MRTFA: variants seen among roughly 807,000 people sequenced by gnomAD.
The protein encoded by MRTFA is myocardin related transcription factor A.
A neutral mutation model predicts 83.5 loss-of-function variants in MRTFA; 20 were observed. The observed-to-expected ratio is 0.24, with a 90% CI of 0.17 to 0.35. The LOEUF is 0.35. Among genes scored for constraint, MRTFA ranks in the 10% least tolerant of loss-of-function variants. The pLI is 1.00. For missense variants in MRTFA, 1,200 were observed against 1,224.7 expected, an observed-to-expected ratio of 0.98 and a Z score of 0.30; for synonymous variants, 659 against 541.2, an observed-to-expected ratio of 1.22 and a Z score of -3.02.
chr22:40,517,599 T>G (rs1281915671), intron 3 of MRTFA, among the ~76,000 whole-genome samples: 1 of 152,206 alleles, frequency 6.6e-6, no homozygotes, highest in Non-Finnish European at 1.5e-5. Flanking sequence ...GTACACGGTC[T>G]GCCACACTGC....
intron 1 of MRTFA, among the ~76,000 whole-genome samples, chr22:40,618,021 A>C (rs970894885): frequency 1.3e-4 from 20 of 151,908 alleles, no homozygotes; most frequent in African/African-American, 4.8e-4. Context: ...TCTGGAGAAA[A>C]GTGAAGCAGG....
intron 3 of MRTFA, among the ~76,000 whole-genome samples, chr22:40,471,847 G>C (rs1011806809): frequency 1.3e-5 from 2 of 152,084 alleles, no homozygotes; most frequent in African/African-American, 4.8e-5. Flanking sequence ...ACTCCAACCT[G>C]GGTGCCAGAG....
chr22:40,494,589 G>T (rs1388292457), intron 3 of MRTFA, among the ~76,000 whole-genome samples: 1 of 151,806 alleles, frequency 6.6e-6, no homozygotes, highest in African/African-American at 2.4e-5. Flanking sequence ...GCTAAGGTAG[G>T]AGCATCACTC....
chr22:40,419,549 GCATCCT>G (rs987503889), intron 11 of MRTFA, among the ~76,000 whole-genome samples, 165 bp from the exon 12 acceptor site: 1 of 152,156 alleles, frequency 6.6e-6, no homozygotes, highest in Non-Finnish European at 1.5e-5. Context: ...TGAGCCAACA[GCATCCT>G]CTCTTTCATT....
rs572949298 is a variant in MRTFA at position 40,411,022 on chromosome 22, C to G, written c.*368G>C. On this transcript the variant is annotated 3_prime_UTR_variant, in exon 15 of 15. Coordinates refer to ENST00000355630, the MANE Select transcript of MRTFA (RefSeq NM_020831.6). Reference sequence around the variant, plus strand: ...GATTCACCCCTTAACCTGTCTCAGCCCTGGGTCAGAAGAGAAGCCTCCCGC... The same window carrying G: ...GATTCACCCCTTAACCTGTCTCAGCGCTGGGTCAGAAGAGAAGCCTCCCGC... The G allele has an allele frequency of 1.9e-4, 47 of 252,026 alleles. No homozygotes were observed. The highest frequency in any genetic ancestry group is 8.9e-4 in the African/African-American group (41 of 46,108). The allele number at this position is 252,026 out of a possible 1,614,324, so 15.6% of individuals were successfully genotyped here.
rs780048257 is a variant in MRTFA, at chr22:40,463,223, G to A, written c.305C>T (p.Pro102Leu). 3.1e-6 allele frequency: 5 copies of A among 1,613,620 alleles called. No homozygotes were observed. Among genetic ancestry groups the A allele is most frequent in the Non-Finnish European group, 4.2e-6 (5 of 1,179,738 alleles). Residue 102 changes from proline to leucine, a missense_variant and splice_region_variant, in exon 4 of 15, where the codon CCG (proline) becomes CTG (leucine). Around this residue, in one of 2 missense-constraint regions of MRTFA, gnomAD observed 93 missense variants for 182.9 expected, o/e 0.51. Transcript: ENST00000355630. ...TGCTGAGAGAGAGAGGCACTTACGC[G>A]GCATGATCCCTTGGCTCACCAGTTC...
chr22:40,429,457 C>G (rs780174291), intron 7 of MRTFA, 149 bp downstream of exon 7: 1 of 910,432 alleles, frequency 1.1e-6, no homozygotes, highest in Non-Finnish European at 1.8e-6. Context: ...ATGAGGCTCT[C>G]AAACTCTGTG....
At chr22:40,481,129 A>G (rs2054084155) in intron 3 of MRTFA, among the ~76,000 whole-genome samples, 1 of 152,002 alleles carries the variant, frequency 6.6e-6, no homozygotes, top group African/African-American at 2.4e-5. Context: ...ACAAATACTA[A>G]ATAAAGGTCA....
intron 1 of MRTFA, among the ~76,000 whole-genome samples, chr22:40,599,914 A>G (rs1602481112): frequency 6.6e-6 from 1 of 151,990 alleles, no homozygotes; most frequent in South Asian, 2.1e-4. Flanking sequence ...AAAAAAAAAA[A>G]AAGAAGTGAA....
chr22:40,624,784 T>C (rs190366344), intron 1 of MRTFA, among the ~76,000 whole-genome samples: 1 of 152,330 alleles, frequency 6.6e-6, no homozygotes, highest in Admixed American at 6.5e-5. Context: ...ATGTTGAAAA[T>C]AAAATGTCAT....
intron 3 of MRTFA, among the ~76,000 whole-genome samples, chr22:40,550,317 A>C (rs1413175134): frequency 1.3e-5 from 2 of 152,142 alleles, no homozygotes; most frequent in Non-Finnish European, 2.9e-5. Flanking sequence ...TTAAAAGGGT[A>C]ATAGCCAAGA....
intron 3 of MRTFA, among the ~76,000 whole-genome samples, chr22:40,529,276 A>G (rs1254934145): frequency 6.6e-6 from 1 of 152,244 alleles, no homozygotes; most frequent in Non-Finnish European, 1.5e-5. Context: ...TTAAGTACAC[A>G]GGTATCAAGG....
chr22:40,410,632 A>ACATGT lies in MRTFA; in HGVS notation c.*753_*757dup, dbSNP rs769792395. ...GGGCATAGGCCGTGGCAGGGTACCT[A>ACATGT]CATGTCAATCACACGTGATGGGTGG... On this transcript the variant is annotated 3_prime_UTR_variant, in exon 15 of 15. Coordinates refer to ENST00000355630, the MANE Select transcript of MRTFA (RefSeq NM_020831.6). 2 of 233,152 alleles carry ACATGT rather than the reference A, an allele frequency of 8.6e-6. No individual in the cohort carries two copies. Among genetic ancestry groups the ACATGT allele is most frequent in the Non-Finnish European group, 1.7e-5 (2 of 117,812 alleles). The allele number at this position is 233,152 out of a possible 1,614,324, so 14.4% of individuals were successfully genotyped here.
rs554066489 is a variant in MRTFA, at chr22:40,527,601, C to CA, written c.241+24504dup. ...TGAAACCCTGTCTCTACTAAAAATA[C>CA]AAAAAAAATTAGCCGGGCATGGTGG... On this transcript the variant is annotated intron_variant, in intron 3 of 14. Coordinates refer to ENST00000355630, the MANE Select transcript of MRTFA (RefSeq NM_020831.6). Among the ~76,000 whole-genome samples the CA allele has an allele frequency of 5.0e-3, 749 of 150,704 alleles. 4 individuals carry two copies. The highest frequency in any genetic ancestry group is 0.018 in the African/African-American group (725 of 41,142).
chr22:40,553,637 C>T (rs1428215111), intron 2 of MRTFA, among the ~76,000 whole-genome samples: 2 of 152,292 alleles, frequency 1.3e-5, no homozygotes, highest in South Asian at 2.1e-4. Flanking sequence ...TGGATGTCCA[C>T]GCAGAAGTTT....
chr22:40,513,072 T>C lies in MRTFA; in HGVS notation c.241+39034A>G, dbSNP rs544984045. On this transcript the variant is annotated intron_variant, in intron 3 of 14. Transcript: ENST00000355630. ...GTTTTACAAGGAGTGAGTCTGTTTG[T>C]GGCACTTTCATCCCACTACCACCAC... Among the ~76,000 whole-genome samples, 5 of 152,336 alleles carry C rather than the reference T, an allele frequency of 3.3e-5. No individual in the cohort carries two copies. In the South Asian group the frequency reaches 6.2e-4, roughly 19 times the overall value.
At chr22:40,413,905 T>C (rs1031342972) in intron 14 of MRTFA, among the ~76,000 whole-genome samples, 9 of 152,204 alleles carry the variant, frequency 5.9e-5, no homozygotes, top group Non-Finnish European at 1.2e-4. Flanking sequence ...TTAGGATGGC[T>C]TGTATCAAAA....
chr22:40,579,791 T>C (rs779478602), intron 2 of MRTFA, among the ~76,000 whole-genome samples: 1 of 148,464 alleles, frequency 6.7e-6, no homozygotes, highest in Non-Finnish European at 1.5e-5. Context: ...ACCTGGGAGG[T>C]GGAGGTTGCA....
At chr22:40,470,845 AG>A (rs1172131498) in intron 3 of MRTFA, among the ~76,000 whole-genome samples, 1 of 152,086 alleles carries the variant, frequency 6.6e-6, no homozygotes, top group Non-Finnish European at 1.5e-5. Flanking sequence ...GCTACTCGGG[AG>A]GCTGAGGCAG....
Sources: allele counts gnomAD v4.1 joint callset (sites outside exome capture counted in the v4.1 genomes callset), GRCh38; gene constraint gnomAD v4.1.1; regional missense constraint gnomAD v4.1.1; transcripts MANE v1.5; gene names NCBI Gene and HGNC (gene_info 2026-07-23, HGNC 2026-07-21).